The following ABCB7 variants were observed in gnomAD, a reference collection of about 807,000 sequenced individuals.
ABCB7 encodes the protein iron-sulfur clusters transporter ABCB7, mitochondrial.
A neutral mutation model predicts 54.4 loss-of-function variants in ABCB7; 7 were observed. The ratio of observed to expected loss-of-function variants is 0.13; its 90% confidence interval spans 0.07 to 0.24. The LOEUF (loss-of-function observed/expected upper bound fraction) is 0.24, where lower values mean the gene tolerates loss of function less well. Ranked by LOEUF, ABCB7 falls within the 10% of genes least tolerant of loss-of-function variation. The pLI, the probability that ABCB7 is intolerant of heterozygous loss-of-function variation, is 1.00. For synonymous variants in ABCB7, 218 were observed against 207.1 expected (o/e 1.05, Z -0.45); for missense variants, 356 against 570.4 (o/e 0.62, Z 3.83).
Position 75,156,184 on chromosome X carries a change from G to C in ABCB7, c.89C>G (p.Pro30Arg). Reference protein sequence around the residue: ...KRRHSAILIRPLVSVSGSGPQ... With the variant: ...KRRHSAILIRRLVSVSGSGPQ... ...ACCTGAGCCGCTAACAGAGACTAAA[G>C]GCCGGATCAGAATCGCGGAGTGCCG... The change falls in exon 1 of 16, where the codon CCT (proline) becomes CGT (arginine). Residue 30 changes from proline to arginine, a missense_variant. By Grantham distance (103) the Pro-to-Arg change is moderately radical (BLOSUM62 -2). Transcript: ENST00000373394. 1 of 1,206,692 alleles carries C rather than the reference G, an allele frequency of 8.3e-7. No homozygotes were observed. Among genetic ancestry groups the C allele is most frequent in the African/African-American group, 1.7e-5 (1 of 57,751 alleles).
At chrX:75,091,093 A>G (rs771448390) in intron 4 of ABCB7, among the ~76,000 whole-genome samples, 3 of 111,317 alleles carry the variant, frequency 2.7e-5, no homozygotes, top group Non-Finnish European at 3.8e-5. Flanking sequence ...AAGTAGAGGG[A>G]ATACTTCCTC....
chrX:75,128,298 A>G (rs1312289613), intron 1 of ABCB7, among the ~76,000 whole-genome samples: 1 of 111,308 alleles, frequency 9.0e-6, no homozygotes, highest in African/African-American at 3.3e-5. Context: ...AACACCACAC[A>G]TCTACAACCA....
At chrX:75,107,774 G>A (rs574016323) in intron 3 of ABCB7, among the ~76,000 whole-genome samples, 6 of 111,110 alleles carry the variant, frequency 5.4e-5, no homozygotes, top group African/African-American at 2.0e-4. Context: ...ATTGCCACCC[G>A]TGGTGGCTAG....
intron 1 of ABCB7, among the ~76,000 whole-genome samples, chrX:75,134,408 G>T (rs940677434): frequency 9.0e-6 from 1 of 111,582 alleles, no homozygotes; most frequent in African/African-American, 3.3e-5. Context: ...GGCAGTATTG[G>T]GCAGACTATT....
chrX:75,129,901 C>T (rs1445700991), intron 1 of ABCB7, among the ~76,000 whole-genome samples: 1 of 110,985 alleles, frequency 9.0e-6, no homozygotes, highest in Non-Finnish European at 1.9e-5. Context: ...TATTCTAATG[C>T]CCAATACTAC....
Position 75,131,056 on chromosome X carries a change from T to G in ABCB7, c.169-16225A>C, listed in dbSNP as rs995452844. ...ATTGACAGTAAAATTTAAAAACATGTAAGTAAAATAATATATTCTAAATGA... is the reference window on the plus strand; with the variant it reads ...ATTGACAGTAAAATTTAAAAACATGGAAGTAAAATAATATATTCTAAATGA... On this transcript the variant is annotated intron_variant, in intron 1 of 15. Coordinates refer to ENST00000373394, the MANE Select transcript of ABCB7 (RefSeq NM_001271696.3). Among the ~76,000 whole-genome samples the G allele has an allele frequency of 9.1e-5, 10 of 109,505 alleles. No individual in the cohort carries two copies. The Admixed American group carries it at 9.8e-4, about 11-fold the overall frequency.
intron 4 of ABCB7, among the ~76,000 whole-genome samples, chrX:75,087,940 T>G (rs2081512406): frequency 1.8e-5 from 2 of 111,762 alleles, no homozygotes; most frequent in African/African-American, 6.5e-5. Flanking sequence ...ACTCCACTAA[T>G]CTAATCAAAG....
chrX:75,149,415 G>A lies in ABCB7; in HGVS notation c.168+6690C>T, dbSNP rs368107327. ...ACAATCAGTGATGCTACTCCACCAC[G>A]GTACCATATGCCTAATGACAGAAAT... On this transcript the variant is annotated intron_variant, in intron 1 of 15. Transcript: ENST00000373394. Among the ~76,000 whole-genome samples, 7 of 111,779 alleles carry A rather than the reference G, an allele frequency of 6.3e-5. No homozygotes were observed. The East Asian group carries it at 1.4e-3, about 22-fold the overall frequency.
chrX:75,098,739 TTC>T (rs2081613873), intron 4 of ABCB7, among the ~76,000 whole-genome samples: 1 of 111,890 alleles, frequency 8.9e-6, no homozygotes, highest in Non-Finnish European at 1.9e-5. Context: ...ATTCCACTAA[TTC>T]TGTGAGAAGT....
intron 9 of ABCB7, 65 bp downstream of exon 9, chrX:75,071,444 C>T: frequency 2.6e-6 from 3 of 1,134,874 alleles, no homozygotes. Flanking sequence ...ATGCACATTC[C>T]TTTCATTAAT....
rs73625839 is a variant in ABCB7, at chrX:75,139,910, G to A, written c.168+16195C>T. Among the ~76,000 whole-genome samples the A allele has an allele frequency of 1.0e-3, 115 of 111,665 alleles. 1 individual carries two copies. Among genetic ancestry groups the A allele is most frequent in the African/African-American group, 3.6e-3 (111 of 30,774 alleles). On this transcript the variant is annotated intron_variant, in intron 1 of 15. Coordinates refer to ENST00000373394, the MANE Select transcript of ABCB7 (RefSeq NM_001271696.3). ...TTTATAGAAAATATAATATGGATTA[G>A]ACTGTCACAATATCAACTGTACATA...
intron 4 of ABCB7, among the ~76,000 whole-genome samples, chrX:75,084,164 C>G (rs896025781): frequency 9.0e-6 from 1 of 111,474 alleles, no homozygotes; most frequent in African/African-American, 3.3e-5. Flanking sequence ...AGATTTTCCT[C>G]AAGAGTTTCT....
intron 3 of ABCB7, among the ~76,000 whole-genome samples, chrX:75,112,612 T>TA (rs1041129003): frequency 8.9e-6 from 1 of 111,905 alleles, no homozygotes; most frequent in Non-Finnish European, 1.9e-5. Context: ...ATTATAAGGC[T>TA]AAATTACATA....
intron 1 of ABCB7, among the ~76,000 whole-genome samples, chrX:75,153,541 G>A (rs2082148892): frequency 9.2e-6 from 1 of 108,809 alleles, no homozygotes; most frequent in Non-Finnish European, 1.9e-5. Context: ...TGGTGGAAGA[G>A]TAGGAAGGTG....
intron 1 of ABCB7, among the ~76,000 whole-genome samples, chrX:75,117,303 G>A (rs904051626): frequency 4.5e-5 from 5 of 110,252 alleles, no homozygotes; most frequent in Non-Finnish European, 7.6e-5. Context: ...TATCTTTCTG[G>A]AGACCACCGA....
intron 1 of ABCB7, among the ~76,000 whole-genome samples, chrX:75,116,865 A>G: frequency 9.0e-6 from 1 of 111,066 alleles, no homozygotes; most frequent in Middle Eastern, 4.6e-3. Flanking sequence ...AAAACCCACC[A>G]AAAACCAAGA....
chrX:75,082,807 T>C (rs1238814744), intron 4 of ABCB7, among the ~76,000 whole-genome samples: 1 of 111,161 alleles, frequency 9.0e-6, no homozygotes, highest in Non-Finnish European at 1.9e-5. Flanking sequence ...GAGTAACCAC[T>C]ACAAAATTAT....
At chrX:75,103,788 G>C (rs1481979740) in intron 3 of ABCB7, among the ~76,000 whole-genome samples, 1 of 110,317 alleles carries the variant, frequency 9.1e-6, no homozygotes, top group Non-Finnish European at 1.9e-5. Flanking sequence ...TTGGTGTATA[G>C]AAAGACTACT....
Position 75,069,059 on chromosome X carries a change from A to G in ABCB7, c.1607T>C (p.Ile536Thr). The change falls in exon 12 of 16, where the codon ATA (isoleucine) becomes ACA (threonine). Residue 536 changes from isoleucine (I) to threonine (T), a missense_variant. Ile to Thr is a moderately conservative substitution (Grantham distance 89). Transcript: ENST00000373394. ...KGSIYLAGQN[I>T]QDVSLESLRR... ...AAGGCTTTCCAGGCTCACATCTTGT[A>G]TATTTTGACCAGCAAGATAAATGCT... 1.7e-6 allele frequency: 2 copies of G among 1,208,889 alleles called. No individual in the cohort carries two copies. Among genetic ancestry groups the G allele is most frequent in the Admixed American group, 2.2e-5 (1 of 46,010 alleles).
Sources: gnomAD v4.1 joint callset for allele counts (sites outside exome capture counted in the v4.1 genomes callset) on GRCh38, gnomAD v4.1.1 for gene constraint, MANE v1.5 for transcripts, NCBI Gene and HGNC (gene_info 2026-07-23, HGNC 2026-07-21) for gene names.